GRIK1: variants seen among roughly 807,000 people sequenced by gnomAD.
GRIK1 encodes glutamate ionotropic receptor kainate type subunit 1, also known as glutamate receptor ionotropic, kainate 1.
In GRIK1, 69 loss-of-function variants were observed where a neutral mutation model predicts 105.7. The ratio of observed to expected loss-of-function variants is 0.65; its 90% confidence interval spans 0.54 to 0.80. The LOEUF is 0.80. GRIK1 is among the 30% of genes least tolerant of loss of function. The pLI is 0.00. For synonymous variants in GRIK1, 438 were observed against 431.3 expected (o/e 1.02, Z -0.19); for missense variants, 1,109 against 1,167.3 (o/e 0.95, Z 0.73).
chr21:29,656,372 A>AAAAAAAAAAAAAAAAAAG (rs1696493992), intron 4 of GRIK1, among the ~76,000 whole-genome samples: 1 of 101,032 alleles, frequency 9.9e-6, no homozygotes, highest in African/African-American at 4.5e-5. Flanking sequence ...AAAAAAAAAA[A>AAAAAAAAAAAAAAAAAAG]AAAAAAAAAA....
intron 1 of GRIK1, among the ~76,000 whole-genome samples, chr21:29,788,679 A>G (rs1569094680): frequency 6.6e-6 from 1 of 152,234 alleles, no homozygotes; most frequent in Admixed American, 6.5e-5. Flanking sequence ...GCAGCTTACC[A>G]TAATGCAGAA....
intron 1 of GRIK1, among the ~76,000 whole-genome samples, chr21:29,922,440 T>C (rs187917959): frequency 1.9e-4 from 29 of 152,242 alleles, no homozygotes; most frequent in African/African-American, 6.3e-4. Context: ...TGCATACCTT[T>C]CTATTCTTCA....
chr21:29,786,118 A>G (rs1362584472), intron 1 of GRIK1, among the ~76,000 whole-genome samples: 3 of 152,170 alleles, frequency 2.0e-5, no homozygotes, highest in Admixed American at 2.0e-4. Flanking sequence ...CCTCCGGAGT[A>G]GCTGGGATTA....
intron 1 of GRIK1, among the ~76,000 whole-genome samples, chr21:29,849,418 TC>T (rs1202287141): frequency 2.0e-5 from 3 of 152,214 alleles, no homozygotes; most frequent in Non-Finnish European, 2.9e-5. Context: ...CAGTCGAGCA[TC>T]CATCAATAGG....
intron 14 of GRIK1, among the ~76,000 whole-genome samples, chr21:29,564,156 T>C (rs2090553118): frequency 6.6e-6 from 1 of 152,202 alleles, no homozygotes; most frequent in African/African-American, 2.4e-5. Context: ...TTTATTTATT[T>C]ATTTTTTTTG....
chr21:29,922,190 T>A (rs983217981), intron 1 of GRIK1, among the ~76,000 whole-genome samples: 2 of 152,162 alleles, frequency 1.3e-5, no homozygotes, highest in African/African-American at 2.4e-5. Flanking sequence ...ATATTAGATA[T>A]AACTACCTTC....
At chr21:29,761,292 A>T (rs1443709478) in intron 1 of GRIK1, 1 of 152,234 alleles carries the variant, frequency 6.6e-6, no homozygotes, top group Admixed American at 6.5e-5. Flanking sequence ...CTCAGAACCC[A>T]GGTTCTCGAA....
intron 1 of GRIK1, among the ~76,000 whole-genome samples, chr21:29,743,084 T>C (rs2064968593): frequency 6.6e-6 from 1 of 152,090 alleles, no homozygotes; most frequent in African/African-American, 2.4e-5. Flanking sequence ...TGCATGTTTC[T>C]TTAGGAGGAT....
At chr21:29,735,329 G>A (rs764568085) in intron 1 of GRIK1, among the ~76,000 whole-genome samples, 2 of 152,192 alleles carry the variant, frequency 1.3e-5, no homozygotes, top group Admixed American at 1.3e-4. Context: ...TGGCAAGAAG[G>A]TGTCAAGTCC....
intron 1 of GRIK1, among the ~76,000 whole-genome samples, chr21:29,835,350 G>C (rs774160429): frequency 3.3e-5 from 5 of 152,136 alleles, no homozygotes; most frequent in Non-Finnish European, 5.9e-5. Flanking sequence ...GAAGTTTTTT[G>C]AGAGGCGTGG....
intron 1 of GRIK1, among the ~76,000 whole-genome samples, chr21:29,698,494 C>T (rs1208080570): frequency 6.6e-6 from 1 of 152,212 alleles, no homozygotes; most frequent in East Asian, 1.9e-4. Flanking sequence ...TAGTGCATGA[C>T]AGATGGAACA....
At chr21:29,888,197 C>CTTCCTTTCTTTCTT (rs59241719) in intron 1 of GRIK1, among the ~76,000 whole-genome samples, 15 of 22,342 alleles carry the variant, frequency 6.7e-4, no homozygotes, top group South Asian at 1.7e-3. Context: ...TTCTTTCTTT[C>CTTCCTTTCTTTCTT]TCTCTCTCTC....
At chr21:29,831,044 TCTG>T (rs1290212349) in intron 1 of GRIK1, among the ~76,000 whole-genome samples, 8 of 152,128 alleles carry the variant, frequency 5.3e-5, no homozygotes, top group African/African-American at 1.9e-4. Context: ...ATGGTGAAAA[TCTG>T]CTCATTTAAG....
intron 1 of GRIK1, among the ~76,000 whole-genome samples, chr21:29,722,540 A>AGAGAGAC (rs2064348550): frequency 6.6e-6 from 1 of 151,326 alleles, no homozygotes; most frequent in African/African-American, 2.4e-5. Context: ...TGGGTGACTG[A>AGAGAGAC]GAGAGACTCT....
chr21:29,783,991 G>A (rs2066193188), intron 1 of GRIK1, among the ~76,000 whole-genome samples: 2 of 152,030 alleles, frequency 1.3e-5, no homozygotes, highest in South Asian at 4.1e-4. Context: ...AGTGCTCAGT[G>A]GCGTGACCTT....
chr21:29,673,075 C>G lies in GRIK1; in HGVS notation c.634G>C (p.Ala212Pro), dbSNP rs375865260. 4 of 1,610,578 alleles carry G rather than the reference C, an allele frequency of 2.5e-6. No homozygotes were observed. Among genetic ancestry groups the G allele is most frequent in the Non-Finnish European group, 3.4e-6 (4 of 1,176,840 alleles). Residue 212 changes from alanine to proline, a missense_variant, in exon 4 of 18, where the codon GCC (alanine) becomes CCC (proline). Around this residue, in one of 5 missense-constraint regions of GRIK1, gnomAD observed 612 missense variants for 586.0 expected, o/e 1.04. Transcript: ENST00000327783. ...TTCATCTCCTTGAGTAAAGGCTTGG[C>G]ATCTTTATTCCCAGAGGGCAGCTGG... ...IRQLPSGNKD[A>P]KPLLKEMKKG...
chr21:29,546,403 C>G (rs540016541), intron 16 of GRIK1, among the ~76,000 whole-genome samples: 2 of 151,980 alleles, frequency 1.3e-5, no homozygotes, highest in Non-Finnish European at 2.9e-5. Context: ...CTTATCACCT[C>G]CTGGCCCTTC....
chr21:29,645,320 A>G (rs1024916556), intron 6 of GRIK1, among the ~76,000 whole-genome samples: 2 of 152,218 alleles, frequency 1.3e-5, no homozygotes, highest in Non-Finnish European at 2.9e-5. Context: ...CACATGCTAC[A>G]GTGACTTGGA....
chr21:29,786,230 G>T (rs1488999214), intron 1 of GRIK1, among the ~76,000 whole-genome samples: 1 of 152,022 alleles, frequency 6.6e-6, no homozygotes, highest in African/African-American at 2.4e-5. Context: ...CCTGTGATCC[G>T]CCCGCCTCAG....
Sources: allele counts gnomAD v4.1 joint callset (sites outside exome capture counted in the v4.1 genomes callset), GRCh38; gene constraint gnomAD v4.1.1; regional missense constraint gnomAD v4.1.1; transcripts MANE v1.5; gene names NCBI Gene and HGNC (gene_info 2026-07-23, HGNC 2026-07-21).